KCNJ3: variants seen among roughly 807,000 people sequenced by gnomAD.
KCNJ3 encodes potassium inwardly rectifying channel subfamily J member 3, also known as G protein-activated inward rectifier potassium channel 1.
KCNJ3 carries 4 observed loss-of-function variants against 39.2 expected under a neutral mutation model. The observed-to-expected ratio is 0.10, with a 90% CI of 0.05 to 0.23. The LOEUF is 0.23. Among genes scored for constraint, KCNJ3 ranks in the 10% least tolerant of loss-of-function variants. The pLI is 1.00. For missense variants in KCNJ3, 276 were observed against 634.9 expected (o/e 0.43, Z 6.08); for synonymous variants, 230 against 237.4 (o/e 0.97, Z 0.29).
chr2:154,812,245 G>T (rs1159318595), intron 2 of KCNJ3, among the ~76,000 whole-genome samples: 1 of 151,994 alleles, frequency 6.6e-6, no homozygotes, highest in Non-Finnish European at 1.5e-5. Flanking sequence ...GGTAAAACTT[G>T]GCTCAGATTT....
At chr2:154,762,701 A>G (rs941765008) in intron 2 of KCNJ3, among the ~76,000 whole-genome samples, 1 of 152,158 alleles carries the variant, frequency 6.6e-6, no homozygotes, top group Non-Finnish European at 1.5e-5. Context: ...TAATATGGTA[A>G]GAGGAACTCC....
intron 2 of KCNJ3, among the ~76,000 whole-genome samples, chr2:154,815,300 G>A (rs2105105052): frequency 6.6e-6 from 1 of 152,152 alleles, no homozygotes; most frequent in Non-Finnish European, 1.5e-5. Context: ...TTCAGGTATA[G>A]ACAATACTCA....
intron 2 of KCNJ3, among the ~76,000 whole-genome samples, chr2:154,804,020 T>C (rs556986755): frequency 6.6e-6 from 1 of 152,220 alleles, no homozygotes; most frequent in Non-Finnish European, 1.5e-5. Context: ...TAAAAAGGTT[T>C]TATATTTCTA....
intron 2 of KCNJ3, among the ~76,000 whole-genome samples, chr2:154,744,775 A>AT (rs545428962): frequency 1.1e-3 from 171 of 151,674 alleles, no homozygotes; most frequent in Non-Finnish European, 1.7e-3. Context: ...TGTCACATTG[A>AT]TTTTTTAGTT....
At chr2:154,814,792 G>A (rs1185456423) in intron 2 of KCNJ3, among the ~76,000 whole-genome samples, 4 of 152,074 alleles carry the variant, frequency 2.6e-5, no homozygotes, top group African/African-American at 9.7e-5. Flanking sequence ...CAGGCCTTCA[G>A]GTAAAAATTT....
intron 2 of KCNJ3, among the ~76,000 whole-genome samples, chr2:154,769,999 A>G (rs1450282206): frequency 6.6e-6 from 1 of 152,230 alleles, no homozygotes; most frequent in Non-Finnish European, 1.5e-5. Context: ...CATTTTAAAT[A>G]AGATGATTAT....
At chr2:154,710,368 T>C (rs1041367743) in intron 2 of KCNJ3, among the ~76,000 whole-genome samples, 9 of 152,134 alleles carry the variant, frequency 5.9e-5, no homozygotes. Flanking sequence ...TTGACCAAAA[T>C]TTCATTTCAA....
chr2:154,761,332 T>C (rs889596764), intron 2 of KCNJ3, among the ~76,000 whole-genome samples: 2 of 152,162 alleles, frequency 1.3e-5, no homozygotes, highest in African/African-American at 4.8e-5. Flanking sequence ...CTCAGTGATA[T>C]GTATATCTAT....
chr2:154,712,540 A>C (rs1169280901), intron 2 of KCNJ3, among the ~76,000 whole-genome samples: 3 of 152,128 alleles, frequency 2.0e-5, no homozygotes, highest in Non-Finnish European at 4.4e-5. Flanking sequence ...GTATGTATCG[A>C]ATGTGTGTTG....
At chr2:154,715,638 G>A (rs562152221) in intron 2 of KCNJ3, among the ~76,000 whole-genome samples, 27 of 152,160 alleles carry the variant, frequency 1.8e-4, no homozygotes, top group Admixed American at 5.2e-4. Context: ...TTTATCTATC[G>A]CACTGTTAAC....
intron 2 of KCNJ3, among the ~76,000 whole-genome samples, chr2:154,853,400 T>A (rs1039502728): frequency 2.0e-5 from 3 of 152,022 alleles, no homozygotes; most frequent in African/African-American, 4.8e-5. Flanking sequence ...TGCTAGTCAG[T>A]TAGAAAAAAG....
At chr2:154,735,954 T>A (rs553859462) in intron 2 of KCNJ3, among the ~76,000 whole-genome samples, 2 of 152,246 alleles carry the variant, frequency 1.3e-5, no homozygotes, top group African/African-American at 4.8e-5. Flanking sequence ...TTCTTCTTAT[T>A]TGATACATTA....
At chr2:154,706,245 C>A (rs80029090) in intron 1 of KCNJ3, among the ~76,000 whole-genome samples, 24 of 151,974 alleles carry the variant, frequency 1.6e-4, no homozygotes, top group African/African-American at 5.5e-4. Flanking sequence ...TATGTTTTCT[C>A]GGGAATTAGA....
At chr2:154,780,277 G>A (rs773432671) in intron 2 of KCNJ3, among the ~76,000 whole-genome samples, 6 of 152,234 alleles carry the variant, frequency 3.9e-5, no homozygotes, top group Admixed American at 1.3e-4. Flanking sequence ...GCACACTCTC[G>A]CACAAGTTTA....
chr2:154,768,195 AT>A (rs1283978770), intron 2 of KCNJ3, among the ~76,000 whole-genome samples: 2 of 152,124 alleles, frequency 1.3e-5, no homozygotes, highest in East Asian at 3.9e-4. Context: ...GTTTAATTAG[AT>A]CCCATTTGTC....
rs2105156409 is a variant in KCNJ3 at position 154,716,122 on chromosome 2, A to C, written c.919+6303A>C. On this transcript the variant is annotated intron_variant, in intron 2 of 2. Coordinates refer to ENST00000295101, the MANE Select transcript of KCNJ3 (RefSeq NM_002239.4). ...TATTATTATTATTATTTTGAGATGG[A>C]GTCTCATTCTGTTGCCCAGGCTGGA... Among the ~76,000 whole-genome samples, 2 of 151,348 alleles carry C rather than the reference A, an allele frequency of 1.3e-5. 1 individual carries two copies. Among genetic ancestry groups the C allele is most frequent in the East Asian group, 3.9e-4 (2 of 5,138 alleles).
At chr2:154,778,635 G>A (rs1322862208) in intron 2 of KCNJ3, among the ~76,000 whole-genome samples, 6 of 152,094 alleles carry the variant, frequency 3.9e-5, no homozygotes, top group Admixed American at 2.0e-4. Flanking sequence ...TGTAAATGGT[G>A]CAATAGGTTT....
chr2:154,754,672 T>A (rs953326136), intron 2 of KCNJ3, among the ~76,000 whole-genome samples: 4 of 144,066 alleles, frequency 2.8e-5, no homozygotes, highest in Non-Finnish European at 6.1e-5. Context: ...GGCTTACATG[T>A]CTATTTTTGA....
At chr2:154,726,389 G>T (rs986626737) in intron 2 of KCNJ3, among the ~76,000 whole-genome samples, 2 of 151,982 alleles carry the variant, frequency 1.3e-5, no homozygotes, top group Non-Finnish European at 2.9e-5. Flanking sequence ...TTAAGGAAAC[G>T]CAAATCAAGA....
Sources: gnomAD v4.1 joint callset for allele counts (sites outside exome capture counted in the v4.1 genomes callset) on GRCh38, gnomAD v4.1.1 for gene constraint, MANE v1.5 for transcripts, NCBI Gene and HGNC (gene_info 2026-07-23, HGNC 2026-07-21) for gene names.